Variants in GRID2 observed in about 807,000 individuals in gnomAD.
The protein encoded by GRID2 is glutamate ionotropic receptor delta type subunit 2, also known as glutamate receptor ionotropic, delta-2.
In GRID2, 33 loss-of-function variants were observed where a neutral mutation model predicts 114.8. The observed-to-expected ratio is 0.29, with a 90% confidence interval of 0.22 to 0.38. GRID2 has a LOEUF of 0.38. GRID2 is among the 10% of genes least tolerant of loss of function. The pLI, the probability that GRID2 is intolerant of heterozygous loss-of-function variation, is 1.00. For missense variants in GRID2, 1,184 were observed against 1,257.7 expected (o/e 0.94, Z 0.89); for synonymous variants, 505 against 449.9 (o/e 1.12, Z -1.55).
At chr4:93,037,357 A>G (rs1007425882) in intron 2 of GRID2, among the ~76,000 whole-genome samples, 3 of 152,214 alleles carry the variant, frequency 2.0e-5, no homozygotes, top group African/African-American at 7.2e-5. Context: ...TCAGATGGAT[A>G]GAGTGCTAAA....
chr4:92,998,090 G>A (rs1755316230), intron 2 of GRID2, among the ~76,000 whole-genome samples: 1 of 151,934 alleles, frequency 6.6e-6, no homozygotes, highest in African/African-American at 2.4e-5. Flanking sequence ...CTATGGTTAT[G>A]TAGACATTTG....
intron 14 of GRID2, among the ~76,000 whole-genome samples, chr4:93,651,695 A>C (rs1320972572): frequency 6.6e-6 from 1 of 152,186 alleles, no homozygotes; most frequent in Non-Finnish European, 1.5e-5. Flanking sequence ...TCAGCCATGC[A>C]TTATGCTTAA....
chr4:93,122,184 A>T (rs1017347639), intron 4 of GRID2, among the ~76,000 whole-genome samples: 1 of 152,196 alleles, frequency 6.6e-6, no homozygotes, highest in African/African-American at 2.4e-5. Flanking sequence ...AATCATGAAG[A>T]TCTACATACA....
intron 2 of GRID2, among the ~76,000 whole-genome samples, chr4:92,896,191 G>A (rs1747151481): frequency 1.3e-5 from 2 of 152,122 alleles, no homozygotes; most frequent in African/African-American, 2.4e-5. Flanking sequence ...AAACAAATAT[G>A]TTCTGATTTC....
chr4:92,338,303 CTTAAATT>C (rs1208029531), intron 1 of GRID2, among the ~76,000 whole-genome samples: 3 of 152,074 alleles, frequency 2.0e-5, no homozygotes, highest in South Asian at 2.1e-4. Context: ...CATAAAATAA[CTTAAATT>C]TTAAACTTTA....
chr4:92,384,643 A>ATGT, intron 1 of GRID2, among the ~76,000 whole-genome samples: 4 of 63,660 alleles, frequency 6.3e-5, no homozygotes, highest in Non-Finnish European at 1.2e-4. Flanking sequence ...TATATATTAT[A>ATGT]TATAATATAT....
intron 2 of GRID2, among the ~76,000 whole-genome samples, chr4:92,629,366 A>AT (rs1214503043): frequency 6.6e-6 from 1 of 152,084 alleles, no homozygotes; most frequent in Non-Finnish European, 1.5e-5. Context: ...TGGACACCAT[A>AT]TAAGATCATT....
intron 2 of GRID2, among the ~76,000 whole-genome samples, chr4:92,909,733 C>T (rs12506428): frequency 0.57 from 86,009 of 151,938 alleles, 25,599 homozygotes; most frequent in Middle Eastern, 0.77. Flanking sequence ...CTAATGCCTT[C>T]TGTTATTTTA....
At chr4:93,449,232 A>G (rs548331263) in intron 10 of GRID2, among the ~76,000 whole-genome samples, 1 of 152,124 alleles carries the variant, frequency 6.6e-6, no homozygotes, top group South Asian at 2.1e-4. Flanking sequence ...AAGTAGACCT[A>G]GTACTTGTGA....
intron 1 of GRID2, among the ~76,000 whole-genome samples, chr4:92,420,588 T>C (rs1560618958): frequency 2.0e-5 from 3 of 152,174 alleles, no homozygotes; most frequent in Admixed American, 1.3e-4. Context: ...GTCCTTCACA[T>C]AATACATCAA....
intron 6 of GRID2, among the ~76,000 whole-genome samples, chr4:93,219,370 T>C (rs927426762): frequency 2.6e-5 from 4 of 152,158 alleles, no homozygotes; most frequent in African/African-American, 9.7e-5. Context: ...TTTATTTATG[T>C]CTATATTCCT....
At chr4:93,214,344 T>C (rs1743935682) in intron 5 of GRID2, among the ~76,000 whole-genome samples, 2 of 152,046 alleles carry the variant, frequency 1.3e-5, no homozygotes, top group African/African-American at 4.8e-5. Context: ...TTTAAATGGA[T>C]CTCTTTATAG....
At position 92,600,051 on chromosome 4, in the gene GRID2, T is replaced by TAA. The variant is rs1388677966; in HGVS notation, c.244+9766_244+9767insAA. 7.8e-3 allele frequency among the ~76,000 whole-genome samples: 651 copies of TAA among 83,018 alleles called. 6 individuals are homozygous for TAA. The highest frequency in any genetic ancestry group is 0.016 in the Admixed American group (134 of 8,642). The allele number at this position is 83,018 out of a possible 152,430, so 54.5% of individuals were successfully genotyped here. On this transcript the variant is annotated intron_variant, in intron 2 of 15. Coordinates refer to ENST00000282020, the MANE Select transcript of GRID2 (RefSeq NM_001510.4). ...GTGTGTGTGTGTGTGTGTGTATATATATATATATATATATATATATATATA... is the reference window on the plus strand; with the variant it reads ...GTGTGTGTGTGTGTGTGTGTATATATAAATATATATATATATATATATATATA...
chr4:93,291,311 G>A (rs550598820), intron 8 of GRID2, among the ~76,000 whole-genome samples: 18 of 152,228 alleles, frequency 1.2e-4, no homozygotes, highest in African/African-American at 4.1e-4. Context: ...TAGGGTCAAG[G>A]GACAAGGTTG....
chr4:93,056,125 A>G (rs1211620640), intron 2 of GRID2, among the ~76,000 whole-genome samples: 3 of 151,984 alleles, frequency 2.0e-5, no homozygotes, highest in African/African-American at 7.2e-5. Flanking sequence ...TAGAATTGCT[A>G]CATATGGACT....
At chr4:92,520,457 T>A (rs746485358) in intron 1 of GRID2, among the ~76,000 whole-genome samples, 2 of 151,934 alleles carry the variant, frequency 1.3e-5, no homozygotes, top group Non-Finnish European at 2.9e-5. Flanking sequence ...TGTTTATAAC[T>A]ACCTTCTTCC....
At chr4:92,687,146 C>T (rs1029140673) in intron 2 of GRID2, among the ~76,000 whole-genome samples, 2 of 151,456 alleles carry the variant, frequency 1.3e-5, no homozygotes, top group Admixed American at 6.6e-5. Flanking sequence ...TTGAACCAAA[C>T]ATTCATTGAT....
At chr4:92,875,827 CT>C (rs562660090) in intron 2 of GRID2, among the ~76,000 whole-genome samples, 120 of 151,868 alleles carry the variant, frequency 7.9e-4, no homozygotes, top group African/African-American at 2.3e-3. Context: ...ATAAAAATGA[CT>C]TTTTTTTGTC....
chr4:92,486,547 TCACACACACACACACA>T (rs72216440), intron 1 of GRID2, among the ~76,000 whole-genome samples: 58 of 137,170 alleles, frequency 4.2e-4, no homozygotes, highest in East Asian at 8.5e-4. Context: ...TCTCTCTCTT[TCACACACACACACACA>T]CACACACACA....
Sources: gnomAD v4.1 joint callset for allele counts (sites outside exome capture counted in the v4.1 genomes callset) on GRCh38, gnomAD v4.1.1 for gene constraint, MANE v1.5 for transcripts, NCBI Gene and HGNC (gene_info 2026-07-23, HGNC 2026-07-21) for gene names.